CADPS: variants seen among roughly 807,000 people sequenced by gnomAD.
CADPS encodes the protein calcium-dependent secretion activator 1.
A neutral mutation model predicts 167.3 loss-of-function variants in CADPS; 57 were observed. That is an observed-to-expected ratio of 0.34 (90% confidence interval 0.28 to 0.42). The LOEUF (loss-of-function observed/expected upper bound fraction) is 0.42, where lower values mean the gene tolerates loss of function less well. Ranked by LOEUF, CADPS falls within the 20% of genes least tolerant of loss-of-function variation. The pLI is 1.00. For synonymous variants in CADPS, 676 were observed against 635.3 expected, an observed-to-expected ratio of 1.06 and a Z score of -0.96; for missense variants, 1,414 against 1,738.1, an observed-to-expected ratio of 0.81 and a Z score of 3.32.
At chr3:62,763,262 G>A (rs2085978188) in intron 2 of CADPS, among the ~76,000 whole-genome samples, 1 of 152,132 alleles carries the variant, frequency 6.6e-6, no homozygotes, top group African/African-American at 2.4e-5. Context: ...AGCTCAGCAG[G>A]GGTGTTCTCT....
chr3:62,491,187 A>G, intron 21 of CADPS, 152 bp downstream of exon 21: 3 of 906,822 alleles, frequency 3.3e-6, no homozygotes, highest in African/African-American at 1.7e-5. Context: ...ATTTGGGCAA[A>G]GAAGCTATGA....
At chr3:62,838,559 G>A (rs1437389656) in intron 1 of CADPS, among the ~76,000 whole-genome samples, 1 of 151,590 alleles carries the variant, frequency 6.6e-6, no homozygotes, top group Non-Finnish European at 1.5e-5. Context: ...TACTTCTCTA[G>A]ATTTTCAAAA....
At chr3:62,758,431 A>C (rs1170726506) in intron 2 of CADPS, among the ~76,000 whole-genome samples, 2 of 152,236 alleles carry the variant, frequency 1.3e-5, no homozygotes, top group African/African-American at 4.8e-5. Context: ...AGGTGGCAGC[A>C]GGAAACTATT....
chr3:62,672,864 A>T (rs1305076927), intron 3 of CADPS, among the ~76,000 whole-genome samples: 1 of 152,078 alleles, frequency 6.6e-6, no homozygotes, highest in Non-Finnish European at 1.5e-5. Flanking sequence ...AAACTCCCAC[A>T]GGGGCCTCCT....
rs1467487864 is a variant in CADPS at position 62,474,407 on chromosome 3, A to C, written c.3330-87T>G. On this transcript the variant is annotated intron_variant, in intron 23 of 29. Transcript: ENST00000383710. ...ATTTTCTGAGAGGTCAGTGAAAAAG[A>C]AAATTGAAGGCTGTAATCAGTTTCA... 3 of 1,222,352 alleles carry C rather than the reference A, an allele frequency of 2.5e-6. No individual in the cohort carries two copies. In the East Asian group the frequency reaches 7.0e-5, roughly 29 times the overall value. The allele number at this position is 1,222,352 out of a possible 1,614,324, so 75.7% of individuals were successfully genotyped here. A position where few individuals can be genotyped will look rare whatever the true frequency, so the allele number is the denominator to read the frequency against.
chr3:62,619,441 C>T (rs1242010516), intron 6 of CADPS, among the ~76,000 whole-genome samples: 2 of 152,116 alleles, frequency 1.3e-5, no homozygotes, highest in South Asian at 2.1e-4. Context: ...TGTTTCAATA[C>T]AAAAATGTTT....
At position 62,874,124 on chromosome 3, in the gene CADPS, G is replaced by C. The variant is rs1013474909; in HGVS notation, c.441+465C>G. 7.9e-5 allele frequency among the ~76,000 whole-genome samples: 12 copies of C among 152,280 alleles called. No individual in the cohort carries two copies. Among genetic ancestry groups the C allele is most frequent in the Admixed American group, 6.5e-4 (10 of 15,304 alleles). On this transcript the variant is annotated intron_variant, in intron 1 of 29. Coordinates refer to ENST00000383710, the MANE Select transcript of CADPS (RefSeq NM_003716.4). The surrounding 1 kb of genome is among the most constrained non-coding windows in gnomAD (Gnocchi z 7.1). ...CAAGACGCTCTTCTCCCTCCACCTC[G>C]GCGCCCCCACCTGCCGTTGCCCCCG...
intron 13 of CADPS, chr3:62,530,823 G>A: frequency 7.9e-7 from 1 of 1,262,848 alleles, no homozygotes; most frequent in South Asian, 1.3e-5. Context: ...CTTTGGAGAG[G>A]GGGTGGTCGC....
At chr3:62,871,898 C>G (rs900341158) in intron 1 of CADPS, among the ~76,000 whole-genome samples, 3 of 152,050 alleles carry the variant, frequency 2.0e-5, no homozygotes, top group African/African-American at 7.2e-5. Flanking sequence ...GAAAGCTGTT[C>G]AGAAAGATAA....
chr3:62,872,995 T>TC (rs997676416), intron 1 of CADPS, among the ~76,000 whole-genome samples: 5 of 152,178 alleles, frequency 3.3e-5, no homozygotes, highest in Non-Finnish European at 7.3e-5. Flanking sequence ...GGACTCAACA[T>TC]CCAGCCTTAA....
chr3:62,595,926 C>T (rs534114208), intron 6 of CADPS, among the ~76,000 whole-genome samples: 22 of 152,132 alleles, frequency 1.4e-4, no homozygotes, highest in Non-Finnish European at 8.8e-5. Context: ...ATATCTTTCT[C>T]CCATGCTGGA....
At chr3:62,825,680 C>T (rs2073913102) in intron 1 of CADPS, among the ~76,000 whole-genome samples, 1 of 152,160 alleles carries the variant, frequency 6.6e-6, no homozygotes, top group Non-Finnish European at 1.5e-5. Flanking sequence ...CGGCTTCTAG[C>T]CTTAAGCCCT....
At chr3:62,642,957 CA>C (rs1247480150) in intron 6 of CADPS, among the ~76,000 whole-genome samples, 6 of 145,860 alleles carry the variant, frequency 4.1e-5, no homozygotes, top group African/African-American at 1.5e-4. Flanking sequence ...CAAAACAAAA[CA>C]AAACCCAAAC....
chr3:62,404,313 A>T (rs1707553882), intron 28 of CADPS: 1 of 152,622 alleles, frequency 6.6e-6, no homozygotes. Context: ...GCGCGCGCAC[A>T]CACACATCGC....
intron 1 of CADPS, among the ~76,000 whole-genome samples, chr3:62,860,299 C>T (rs2080532581): frequency 1.3e-5 from 2 of 152,106 alleles, no homozygotes; most frequent in African/African-American, 2.4e-5. Flanking sequence ...ACCTGGTGAC[C>T]CAGGAATATC....
chr3:62,784,180 G>A (rs2092132633), intron 1 of CADPS, among the ~76,000 whole-genome samples: 2 of 152,114 alleles, frequency 1.3e-5, no homozygotes. Context: ...GCCATAGATG[G>A]TTTAAGAATG....
chr3:62,732,329 C>G (rs2078066615), intron 3 of CADPS, among the ~76,000 whole-genome samples: 1 of 152,182 alleles, frequency 6.6e-6, no homozygotes, highest in Non-Finnish European at 1.5e-5. Flanking sequence ...TGGAAAGTGT[C>G]ACATGGCAAG....
At chr3:62,718,975 T>C (rs1561336) in intron 3 of CADPS, among the ~76,000 whole-genome samples, 83,397 of 152,058 alleles carry the variant, frequency 0.55, 23,242 homozygotes, top group East Asian at 0.74. Context: ...CCTGTGACTA[T>C]AGAACATTTT....
chr3:62,518,982 C>T (rs190860309), intron 13 of CADPS, among the ~76,000 whole-genome samples: 8 of 152,226 alleles, frequency 5.3e-5, no homozygotes, highest in Admixed American at 4.6e-4. Flanking sequence ...TAAATGATTT[C>T]AGTTTGATCA....
Sources: gnomAD v4.1 joint callset for allele counts (sites outside exome capture counted in the v4.1 genomes callset) on GRCh38, gnomAD v4.1.1 for gene constraint, Gnocchi (gnomAD v3.1) non-coding constraint, MANE v1.5 for transcripts, NCBI Gene and HGNC (gene_info 2026-07-23, HGNC 2026-07-21) for gene names.